Variants in TNKS2 observed in about 807,000 individuals in gnomAD.
TNKS2 encodes the protein poly [ADP-ribose] polymerase tankyrase-2.
TNKS2 carries 72 observed loss-of-function variants against 137.6 expected under a neutral mutation model. That is an observed-to-expected ratio of 0.52 (90% CI 0.43 to 0.64). The LOEUF (loss-of-function observed/expected upper bound fraction) is 0.64. TNKS2 is among the 30% of genes least tolerant of loss of function. TNKS2 has a pLI of 0.00. For missense variants in TNKS2, 1,049 were observed against 1,410.2 expected (o/e 0.74, Z 4.10); for synonymous variants, 516 against 512.1 (o/e 1.01, Z -0.10).
rs761630070 is a variant in TNKS2 at position 91,857,433 on chromosome 10, G to C, written c.2997G>C (p.Lys999Asn). 1 of 1,601,602 alleles carries C rather than the reference G, an allele frequency of 6.2e-7. No homozygotes were observed. Among genetic ancestry groups the C allele is most frequent in the South Asian group, 1.1e-5 (1 of 89,416 alleles). ...FNRYNILKIQ[K>N]VCNKKLWERY... Reference sequence around the variant, plus strand: ...TGGTTTATTTTTTATAGATTCAGAAGGTTTGTAACAAGAAACTATGGGAAA... The same window carrying C: ...TGGTTTATTTTTTATAGATTCAGAACGTTTGTAACAAGAAACTATGGGAAA... The change falls in exon 24 of 27, where the codon AAG (lysine) becomes AAC (asparagine). Residue 999 changes from lysine (K) to asparagine (N), a missense_variant. Transcript: ENST00000371627.
chr10:91,839,478 G>A (rs1388886053), intron 13 of TNKS2, among the ~76,000 whole-genome samples: 1 of 151,844 alleles, frequency 6.6e-6, no homozygotes, highest in South Asian at 2.1e-4. Flanking sequence ...AAGTAGTAGA[G>A]ACAGGGTTTT....
In TNKS2 at chr10:91,865,034, A is replaced by G. The variant is rs1005997933; in HGVS notation, c.*2035A>G. ...CATATGTTAGCATGGCAGCATTTTC[A>G]GATAGCTTTTTGTTTGTTGGGAAGT... On this transcript the variant is annotated 3_prime_UTR_variant, in exon 27 of 27. Transcript: ENST00000371627. The G allele has an allele frequency of 6.6e-6, 1 of 152,432 alleles. No individual in the cohort carries two copies. Among genetic ancestry groups the G allele is most frequent in the Non-Finnish European group, 1.5e-5 (1 of 67,998 alleles). 9.4% of individuals were successfully genotyped at this position (152,432 alleles called of 1,614,324 possible).
intron 1 of TNKS2, chr10:91,807,115 A>G (rs1844346640): frequency 1.4e-6 from 2 of 1,464,910 alleles, no homozygotes; most frequent in Middle Eastern, 2.4e-4. Context: ...CTGTCCCAAC[A>G]CTTTCTCTAA....
chr10:91,802,019 G>T (rs1204657299), intron 1 of TNKS2, among the ~76,000 whole-genome samples: 1 of 152,164 alleles, frequency 6.6e-6, no homozygotes, highest in Non-Finnish European at 1.5e-5. Context: ...GAAATATGTG[G>T]CATTCCTTAC....
At chr10:91,821,131 G>A (rs996235350) in intron 6 of TNKS2, among the ~76,000 whole-genome samples, 1 of 152,030 alleles carries the variant, frequency 6.6e-6, no homozygotes, top group Non-Finnish European at 1.5e-5. Context: ...TCCACCTCCC[G>A]GGTTCAAGTG....
chr10:91,854,898 C>CA (rs374091607), intron 21 of TNKS2, 131 bp from the exon 22 acceptor site: 30,023 of 352,274 alleles, frequency 0.085, 11 homozygotes, highest in South Asian at 0.095. Context: ...AACTCTGTCT[C>CA]AAAAAAAAAA....
intron 1 of TNKS2, among the ~76,000 whole-genome samples, chr10:91,811,584 A>C (rs1212723054): frequency 6.6e-6 from 1 of 152,134 alleles, no homozygotes; most frequent in Admixed American, 6.5e-5. Context: ...GTGACCACAG[A>C]GCCCAGCAAT....
intron 1 of TNKS2, among the ~76,000 whole-genome samples, chr10:91,802,531 G>A (rs1365675206): frequency 6.6e-6 from 1 of 152,174 alleles, no homozygotes; most frequent in Non-Finnish European, 1.5e-5. Context: ...GTTGTAGAGA[G>A]GATTTCAGCC....
chr10:91,803,794 C>G (rs1241780475), intron 1 of TNKS2, among the ~76,000 whole-genome samples: 1 of 152,138 alleles, frequency 6.6e-6, no homozygotes, highest in African/African-American at 2.4e-5. Flanking sequence ...TGACATTTTT[C>G]CAGAACTTTG....
At chr10:91,834,531 C>T (rs966094654) in intron 12 of TNKS2, among the ~76,000 whole-genome samples, 1 of 152,190 alleles carries the variant, frequency 6.6e-6, no homozygotes, top group African/African-American at 2.4e-5. Flanking sequence ...GTATTTTTGT[C>T]TACATCTCTA....
At chr10:91,835,785 T>C (rs1841994536) in intron 12 of TNKS2, among the ~76,000 whole-genome samples, 1 of 151,100 alleles carries the variant, frequency 6.6e-6, no homozygotes, top group Non-Finnish European at 1.5e-5. Flanking sequence ...CTTTTGTATT[T>C]TTAGTAGTTA....
intron 20 of TNKS2, among the ~76,000 whole-genome samples, chr10:91,850,780 G>A (rs1025758608): frequency 5.3e-5 from 8 of 152,184 alleles, no homozygotes. Flanking sequence ...GCTCATCAGG[G>A]AATGCTTCAT....
At chr10:91,835,592 CTTTTTTTTTTT>C (rs35247985) in intron 12 of TNKS2, among the ~76,000 whole-genome samples, 2 of 109,418 alleles carry the variant, frequency 1.8e-5, no homozygotes, top group Non-Finnish European at 3.7e-5. Flanking sequence ...CCCGGCCTTT[CTTTTTTTTTTT>C]TTTTTTTTTT....
intron 21 of TNKS2, among the ~76,000 whole-genome samples, chr10:91,851,880 G>A (rs1247781005): frequency 6.6e-6 from 1 of 152,184 alleles, no homozygotes; most frequent in African/African-American, 2.4e-5. Flanking sequence ...TAAGGAAAAT[G>A]CAAATTGCAT....
At chr10:91,854,220 AAG>A (rs1842637613) in intron 21 of TNKS2, among the ~76,000 whole-genome samples, 1 of 152,224 alleles carries the variant, frequency 6.6e-6, no homozygotes, top group African/African-American at 2.4e-5. Context: ...ACAAAGAAGA[AAG>A]AGATTAAATG....
chr10:91,827,142 T>C lies in TNKS2; in HGVS notation c.921T>C (p.Asn307=), dbSNP rs767825936. Residue 307 remains asparagine (N), a synonymous_variant, in exon 8 of 27, where the codon AAT becomes AAC. Transcript: ENST00000371627. ...ATGGTGCAGACCCAACACTGCTCAA[T>C]TGTCACAATAAAAGTGCTATAGACT... ...LSYGADPTLL[N]CHNKSAIDLA... 1.2e-6 allele frequency: 2 copies of C among 1,606,462 alleles called. No individual in the cohort carries two copies. Among genetic ancestry groups the C allele is most frequent in the Non-Finnish European group, 1.7e-6 (2 of 1,176,176 alleles).
At chr10:91,859,946 C>T (rs968775863) in intron 25 of TNKS2, among the ~76,000 whole-genome samples, 1 of 152,076 alleles carries the variant, frequency 6.6e-6, no homozygotes, top group Non-Finnish European at 1.5e-5. Flanking sequence ...TATTGTAGCC[C>T]TTGAGTATTG....
chr10:91,827,682 T>C (rs1280354841), intron 8 of TNKS2, among the ~76,000 whole-genome samples: 1 of 152,200 alleles, frequency 6.6e-6, no homozygotes, highest in Non-Finnish European at 1.5e-5. Flanking sequence ...AGTTTGGATA[T>C]GGTATTAGTG....
chr10:91,823,334 T>G (rs1439496581), intron 7 of TNKS2, among the ~76,000 whole-genome samples: 4 of 133,596 alleles, frequency 3.0e-5, no homozygotes, highest in Non-Finnish European at 4.8e-5. Flanking sequence ...TTTTTTTTTT[T>G]TTTTTTTTTT....
Sources: gnomAD v4.1 joint callset for allele counts (sites outside exome capture counted in the v4.1 genomes callset) on GRCh38, gnomAD v4.1.1 for gene constraint, MANE v1.5 for transcripts, NCBI Gene and HGNC (gene_info 2026-07-23, HGNC 2026-07-21) for gene names.